Variants in GMPS observed in about 807,000 individuals in gnomAD.
GMPS encodes the protein guanosine monophosphate synthase.
GMPS carries 15 observed loss-of-function variants against 77.9 expected under a neutral mutation model. The observed-to-expected ratio is 0.19, with a 90% CI of 0.13 to 0.30. GMPS has a LOEUF of 0.30. Among genes scored for constraint, GMPS ranks in the 10% least tolerant of loss-of-function variants. The pLI, the probability that GMPS is intolerant of heterozygous loss-of-function variation, is 1.00. For synonymous variants in GMPS, 224 were observed against 275.9 expected, an observed-to-expected ratio of 0.81 and a Z score of 1.86; for missense variants, 590 against 838.8, an observed-to-expected ratio of 0.70 and a Z score of 3.66.
intron 1 of GMPS, among the ~76,000 whole-genome samples, chr3:155,890,093 T>A (rs1418140751): frequency 1.3e-5 from 2 of 152,186 alleles, no homozygotes; most frequent in Admixed American, 6.5e-5. Context: ...CTTTTACTAG[T>A]GGGAGCCTTT....
chr3:155,871,998 CTTCA>C (rs1186538259), intron 1 of GMPS, among the ~76,000 whole-genome samples: 1 of 152,176 alleles, frequency 6.6e-6, no homozygotes, highest in Non-Finnish European at 1.5e-5. Context: ...TTGCGATTTA[CTTCA>C]TTAAGATACA....
At position 155,920,188 on chromosome 3, in the gene GMPS, G is replaced by A. The variant is rs570278740; in HGVS notation, c.1318+850G>A. Among the ~76,000 whole-genome samples, 17 of 152,322 alleles carry A rather than the reference G, an allele frequency of 1.1e-4. No homozygotes were observed. The South Asian group carries it at 3.1e-3, about 28-fold the overall frequency. The stretch of plus-strand genomic sequence containing the variant: ...CCAAAAGTTATGCAGATTGAAAGGA[G>A]TGGAGCCAGAATGATATCCCCAATA... On this transcript the variant is annotated intron_variant, in intron 10 of 15. Coordinates refer to ENST00000496455, the MANE Select transcript of GMPS (RefSeq NM_003875.3).
chr3:155,873,627 ATGAG>A (rs1209167547), intron 1 of GMPS, among the ~76,000 whole-genome samples: 1 of 70,078 alleles, frequency 1.4e-5, no homozygotes, highest in Non-Finnish European at 3.1e-5. Flanking sequence ...GTTAGGTTAC[ATGAG>A]TAAGTTCTTT....
rs1449694462 is a variant in GMPS, at chr3:155,938,153, GAA to G, written c.*465_*466del. ...AAGTAATCTTATTTCTCCAAAGGGT[GAA>G]AAAGAGATGAACATATCAGATAAAG... On this transcript the variant is annotated 3_prime_UTR_variant, in exon 16 of 16. Transcript: ENST00000496455. The G allele has an allele frequency of 1.3e-5, 3 of 224,144 alleles. No homozygotes were observed. The highest frequency in any genetic ancestry group is 6.7e-5 in the African/African-American group (3 of 44,798). 13.9% of individuals were successfully genotyped at this position (224,144 alleles called of 1,614,324 possible). A position where few individuals can be genotyped will look rare whatever the true frequency, so the allele number is the denominator to read the frequency against.
At chr3:155,898,818 G>C (rs1253926183) in intron 3 of GMPS, among the ~76,000 whole-genome samples, 1 of 152,176 alleles carries the variant, frequency 6.6e-6, no homozygotes, top group Non-Finnish European at 1.5e-5. Context: ...GGAGGCACAC[G>C]GTGTGGATTT....
At chr3:155,894,154 C>G (rs1754541526) in intron 2 of GMPS, among the ~76,000 whole-genome samples, 1 of 152,116 alleles carries the variant, frequency 6.6e-6, no homozygotes, top group Admixed American at 6.6e-5. Flanking sequence ...CAGCTTGTAC[C>G]CTTAGAACTA....
At chr3:155,907,248 C>A (rs1481589732) in intron 5 of GMPS, among the ~76,000 whole-genome samples, 1 of 151,984 alleles carries the variant, frequency 6.6e-6, no homozygotes, top group African/African-American at 2.4e-5. Context: ...ATTCGAGTAC[C>A]TATTATGTGT....
Position 155,914,519 on chromosome 3 carries a change from G to T in GMPS, c.987G>T (p.Met329Ile). 6.2e-7 allele frequency: 1 copy of T among 1,604,614 alleles called. No homozygotes were observed. The highest frequency in any genetic ancestry group is 1.1e-5 in the South Asian group (1 of 88,540). Residue 329 changes from methionine to isoleucine, a missense_variant, in exon 8 of 16, where the codon ATG (methionine) becomes ATT (isoleucine). Met to Ile is a conservative substitution (Grantham distance 10). Coordinates refer to ENST00000496455, the MANE Select transcript of GMPS (RefSeq NM_003875.3). ...PRKRISKTLN[M>I]TTSPEEKRKI... is the part of the protein sequence containing the mutation. The stretch of plus-strand genomic sequence containing the variant: ...AAAGAATTAGCAAAACGTTAAATAT[G>T]ACCACAAGTCCTGAAGAGAAAAGAA...
Position 155,888,452 on chromosome 3 carries a change from C to T in GMPS, c.28-5066C>T, listed in dbSNP as rs137953952. Among the ~76,000 whole-genome samples, 351 of 151,814 alleles carry T rather than the reference C, an allele frequency of 2.3e-3. 3 individuals are homozygous for T. The highest frequency in any genetic ancestry group is 8.2e-3 in the African/African-American group (339 of 41,408). ...ATTTTTTATTTTTATTTTTTTGAGA[C>T]AGGATCTCACTCTGTCACCCAGGCT... On this transcript the variant is annotated intron_variant, in intron 1 of 15. Transcript: ENST00000496455.
rs910466127 is a variant in GMPS at position 155,870,961 on chromosome 3, C to T, written c.27+64C>T. 8.7e-6 allele frequency: 12 copies of T among 1,382,498 alleles called. No individual in the cohort carries two copies. The African/African-American group carries it at 1.7e-4, about 19-fold the overall frequency. The allele number at this position is 1,382,498 out of a possible 1,614,324, so 85.6% of individuals were successfully genotyped here. On this transcript the variant is annotated intron_variant, in intron 1 of 15. Transcript: ENST00000496455. ...AGGCGAGGCTCCCGGACCGGGGAGC[C>T]ACCCCGCGAGGCCCTTCCCCACCCC... is the stretch of plus-strand genomic sequence containing the variant.
rs571831027 is a variant in GMPS, at chr3:155,941,914, C to T, written c.*4222C>T. The T allele has an allele frequency of 4.7e-6, 1 of 211,440 alleles. No individual in the cohort carries two copies. The highest frequency in any genetic ancestry group is 2.3e-5 in the African/African-American group (1 of 44,226). The allele number at this position is 211,440 out of a possible 1,614,324, so 13.1% of individuals were successfully genotyped here. ...AGAGTGTCAAGATGCTAACTTCCAA[C>T]CCTATTTTTATGTACTGAAGAGGCC... On this transcript the variant is annotated 3_prime_UTR_variant, in exon 16 of 16. Transcript: ENST00000496455.
intron 13 of GMPS, among the ~76,000 whole-genome samples, chr3:155,934,397 G>A (rs74476968): frequency 0.029 from 4,359 of 152,114 alleles, 238 homozygotes; most frequent in African/African-American, 0.099. Context: ...TCCTACTATC[G>A]AGTGGTGGCA....
chr3:155,881,373 TG>T (rs1195180323), intron 1 of GMPS, among the ~76,000 whole-genome samples: 2 of 152,006 alleles, frequency 1.3e-5, no homozygotes, highest in Non-Finnish European at 2.9e-5. Context: ...GGTTTCTCCA[TG>T]TTGGTCAGGC....
intron 12 of GMPS, among the ~76,000 whole-genome samples, chr3:155,928,537 CT>C (rs201332484): frequency 0.043 from 6,326 of 147,604 alleles, 175 homozygotes; most frequent in African/African-American, 0.078. Flanking sequence ...TTAAAATTAA[CT>C]TTTTTTTTTT....
intron 10 of GMPS, 37 bp from the exon 11 acceptor site, chr3:155,922,145 TATAAC>T: frequency 1.3e-6 from 1 of 742,862 alleles, no homozygotes; most frequent in Non-Finnish European, 2.1e-6. Flanking sequence ...ATATTAGAAA[TATAAC>T]ATTAATGTTA....
chr3:155,906,008 A>G (rs1057294591), intron 4 of GMPS, among the ~76,000 whole-genome samples, 152 bp from the exon 5 acceptor site: 1 of 149,808 alleles, frequency 6.7e-6, no homozygotes. Flanking sequence ...TGTAATGGAC[A>G]TAATATTTGA....
chr3:155,893,034 A>AT lies in GMPS; in HGVS notation c.28-483dup, dbSNP rs1422198892. Reference sequence around the variant, plus strand: ...CCTAACAGTGAATTTGGCCATGCTTATACTCTAGTGTCAAACTTCTAGTTT... The same window carrying AT: ...CCTAACAGTGAATTTGGCCATGCTTATTACTCTAGTGTCAAACTTCTAGTTT... On this transcript the variant is annotated intron_variant, in intron 1 of 15. Transcript: ENST00000496455. Among the ~76,000 whole-genome samples the AT allele has an allele frequency of 3.3e-5, 5 of 152,356 alleles. No individual in the cohort carries two copies. In the East Asian group the frequency reaches 9.6e-4, roughly 29 times the overall value.
intron 10 of GMPS, among the ~76,000 whole-genome samples, chr3:155,921,960 A>C (rs1417937269): frequency 6.6e-6 from 1 of 152,168 alleles, no homozygotes; most frequent in East Asian, 1.9e-4. Flanking sequence ...GCATAATTTA[A>C]ATGTTGCAGC....
chr3:155,878,337 T>A (rs1190688109), intron 1 of GMPS, among the ~76,000 whole-genome samples: 1 of 152,362 alleles, frequency 6.6e-6, no homozygotes, highest in Admixed American at 6.5e-5. Flanking sequence ...TATAAGTACT[T>A]TATTCCTTTT....
Sources: gnomAD v4.1 joint callset for allele counts (sites outside exome capture counted in the v4.1 genomes callset) on GRCh38, gnomAD v4.1.1 for gene constraint, MANE v1.5 for transcripts, NCBI Gene and HGNC (gene_info 2026-07-23, HGNC 2026-07-21) for gene names.